The following ERC1 variants were observed in gnomAD, a reference collection of about 807,000 sequenced individuals.
ERC1 encodes ELKS/RAB6-interacting/CAST family member 1.
Under a neutral mutation model 132.0 loss-of-function variants are expected in ERC1, and 56 were observed. The ratio of observed to expected loss-of-function variants is 0.42; its 90% confidence interval spans 0.34 to 0.53. The LOEUF is 0.53. Among genes scored for constraint, ERC1 ranks in the 20% least tolerant of loss-of-function variants. ERC1 has a pLI of 0.03. For synonymous variants in ERC1, 478 were observed against 476.1 expected, an observed-to-expected ratio of 1.00 and a Z score of -0.05; for missense variants, 1,202 against 1,349.9, an observed-to-expected ratio of 0.89 and a Z score of 1.72.
intron 18 of ERC1, among the ~76,000 whole-genome samples, chr12:1,455,155 C>G (rs1483588997): frequency 6.6e-6 from 1 of 152,158 alleles, no homozygotes; most frequent in Non-Finnish European, 1.5e-5. Flanking sequence ...CATTCATATG[C>G]TGTGTAAATA....
At position 1,237,011 on chromosome 12, in the gene ERC1, C is replaced by A. The variant is rs989918010; in HGVS notation, c.2487+107C>A. On this transcript the variant is annotated intron_variant, in intron 13 of 18. Transcript: ENST00000360905. ...TCCTCCTCTTTTTTCTCTTTCTAACCCTGCTTGCTGCCTTCCTCTCAGACC... is the reference window on the plus strand; with the variant it reads ...TCCTCCTCTTTTTTCTCTTTCTAACACTGCTTGCTGCCTTCCTCTCAGACC... 3.7e-6 allele frequency: 5 copies of A among 1,336,844 alleles called. No individual in the cohort carries two copies. The Admixed American group carries it at 6.8e-5, about 18-fold the overall frequency. 82.8% of individuals were successfully genotyped at this position (1,336,844 alleles called of 1,614,324 possible).
At chr12:1,394,039 AAAAAACCAC>A (rs1279080488) in intron 16 of ERC1, among the ~76,000 whole-genome samples, 1,685 of 81,480 alleles carry the variant, frequency 0.021, 187 homozygotes, top group African/African-American at 0.065. Flanking sequence ...AAAAACAAAA[AAAAAACCAC>A]AAAGCATTAA....
intron 15 of ERC1, among the ~76,000 whole-genome samples, chr12:1,309,607 C>T (rs999995500): frequency 6.6e-6 from 1 of 152,092 alleles, no homozygotes; most frequent in Non-Finnish European, 1.5e-5. Context: ...CTTCCCCCTT[C>T]TCTCTCCCTT....
intron 15 of ERC1, among the ~76,000 whole-genome samples, chr12:1,311,398 A>T (rs1043959379): frequency 2.6e-5 from 4 of 152,200 alleles, no homozygotes; most frequent in African/African-American, 9.6e-5. Flanking sequence ...AGTTGATTAG[A>T]GGTATGAGAT....
chr12:1,289,487 G>A (rs112548008), intron 14 of ERC1, among the ~76,000 whole-genome samples: 2,169 of 151,980 alleles, frequency 0.014, 43 homozygotes, highest in African/African-American at 0.05. Flanking sequence ...AAATCGTTCT[G>A]TATATTTTTT....
chr12:1,170,537 T>C (rs1952942722), intron 8 of ERC1, among the ~76,000 whole-genome samples: 1 of 152,242 alleles, frequency 6.6e-6, no homozygotes, highest in African/African-American at 2.4e-5. Flanking sequence ...CACAGAAGGA[T>C]TGCCGTTGTG....
intron 16 of ERC1, among the ~76,000 whole-genome samples, chr12:1,372,975 T>C (rs1443611550): frequency 6.6e-6 from 1 of 152,238 alleles, no homozygotes; most frequent in Non-Finnish European, 1.5e-5. Context: ...GAAATAGTCT[T>C]TATATGTATT....
intron 14 of ERC1, 82 bp from the exon 15 acceptor site, chr12:1,289,770 C>A: frequency 1.8e-6 from 2 of 1,102,022 alleles, no homozygotes; most frequent in South Asian, 1.4e-5. Flanking sequence ...ATTTTCTGGA[C>A]CCAGGAGTTG....
At chr12:1,121,925 A>C (rs866099456) in intron 7 of ERC1, among the ~76,000 whole-genome samples, 1 of 2,802 alleles carries the variant, frequency 3.6e-4, no homozygotes, top group African/African-American at 4.2e-4. Context: ...CTCTATCTCT[A>C]TCTGTGTCTC....
chr12:1,356,212 A>ATG (rs1489476709), intron 15 of ERC1, among the ~76,000 whole-genome samples: 1 of 119,060 alleles, frequency 8.4e-6, no homozygotes, highest in East Asian at 2.1e-4. Flanking sequence ...AAAAAAAAAA[A>ATG]AGTGTGTGTG....
chr12:1,438,971 A>ATATATATATATATAT (rs879572392), intron 17 of ERC1, among the ~76,000 whole-genome samples: 1 of 144,442 alleles, frequency 6.9e-6, no homozygotes, highest in African/African-American at 2.8e-5. Context: ...ATATATATAT[A>ATATATATATATATAT]AAAAATGACA....
At chr12:991,368 C>T (rs891746910) in intron 1 of ERC1, 46 bp downstream of exon 1, 1 of 156,782 alleles carries the variant, frequency 6.4e-6, no homozygotes, top group Non-Finnish European at 1.4e-5. Flanking sequence ...TCGCGCGGGA[C>T]CCAGAGCTTC....
At chr12:1,440,942 G>A (rs542476896) in intron 17 of ERC1, among the ~76,000 whole-genome samples, 1 of 151,896 alleles carries the variant, frequency 6.6e-6, no homozygotes, top group Non-Finnish European at 1.5e-5. Flanking sequence ...CACCACACCT[G>A]ACCTCAGCCT....
At chr12:1,117,849 T>C (rs1411276698) in intron 7 of ERC1, among the ~76,000 whole-genome samples, 1 of 152,172 alleles carries the variant, frequency 6.6e-6, no homozygotes, top group Non-Finnish European at 1.5e-5. Context: ...AAGCTAAACT[T>C]AGGTTTATTC....
In ERC1 at chr12:1,142,516, A is replaced by G. The variant is rs143057148; in HGVS notation, c.1737+729A>G. On this transcript the variant is annotated intron_variant, in intron 8 of 18. Transcript: ENST00000360905. ...TAAAGTCCTTAAAGTTGAACTGCTG[A>G]GTGAAAGGATGTGCATTTATAATTT... 1.8e-4 allele frequency among the ~76,000 whole-genome samples: 28 copies of G among 152,348 alleles called. No homozygotes were observed. In the East Asian group the frequency reaches 5.2e-3, roughly 28 times the overall value.
chr12:1,206,024 A>G (rs983863297), intron 12 of ERC1, among the ~76,000 whole-genome samples: 12 of 152,262 alleles, frequency 7.9e-5, no homozygotes, highest in Admixed American at 7.8e-4. Flanking sequence ...GGTTTATTTT[A>G]GTTAACTTTT....
chr12:991,143 C>G (rs1037791774), upstream of ERC1: 1 of 149,798 alleles, frequency 6.7e-6, no homozygotes, highest in East Asian at 2.0e-4. Context: ...GCCGGGAGCC[C>G]GGGGAGGCGC....
chr12:1,024,939 G>A (rs1966841824), intron 1 of ERC1, among the ~76,000 whole-genome samples: 1 of 151,174 alleles, frequency 6.6e-6, no homozygotes, highest in African/African-American at 2.5e-5. Flanking sequence ...GATTTACATA[G>A]CATCTACATT....
At chr12:992,753 T>C (rs1395851337) in intron 1 of ERC1, among the ~76,000 whole-genome samples, 7 of 152,250 alleles carry the variant, frequency 4.6e-5, no homozygotes, top group Admixed American at 4.6e-4. Flanking sequence ...TCTCTGGCCC[T>C]ACTTATCAGT....
Sources: gnomAD v4.1 joint callset for allele counts (sites outside exome capture counted in the v4.1 genomes callset) on GRCh38, gnomAD v4.1.1 for gene constraint, MANE v1.5 for transcripts, NCBI Gene and HGNC (gene_info 2026-07-23, HGNC 2026-07-21) for gene names.